The following YAF2 variants were observed in gnomAD, a reference collection of about 807,000 sequenced individuals.
YAF2 encodes the protein YY1 associated factor 2.
In YAF2, 7 loss-of-function variants were observed where a neutral mutation model predicts 20.1. The observed-to-expected ratio is 0.35, with a 90% CI of 0.20 to 0.65. The LOEUF is 0.65. YAF2 is among the 30% of genes least tolerant of loss of function. YAF2 has a pLI of 0.69. For missense variants in YAF2, 151 were observed against 219.2 expected (o/e 0.69, Z 1.96); for synonymous variants, 74 against 76.0 (o/e 0.97, Z 0.14).
intron 2 of YAF2, among the ~76,000 whole-genome samples, chr12:42,226,980 G>A (rs1294561360): frequency 6.0e-5 from 9 of 148,806 alleles, no homozygotes; most frequent in African/African-American, 1.7e-4. Flanking sequence ...GGGGCAGTGC[G>A]GAGCCGGGAC....
At position 42,235,503 on chromosome 12, in the gene YAF2, A is replaced by G. The variant is rs2068120323; in HGVS notation, c.152+2096T>C. 9 of 1,271,632 alleles carry G rather than the reference A, an allele frequency of 7.1e-6. No individual in the cohort carries two copies. The South Asian group carries it at 8.1e-5, about 11-fold the overall frequency. The allele number at this position is 1,271,632 out of a possible 1,614,324, so 78.8% of individuals were successfully genotyped here. ...TCAGAAACCACTAGGAAAATAACAG[A>G]TAACAGAGAAATTAGAGCTCTTAGG... On this transcript the variant is annotated intron_variant, in intron 2 of 3. Transcript: ENST00000534854.
chr12:42,224,525 C>G (rs1345610494), intron 2 of YAF2, among the ~76,000 whole-genome samples: 2 of 152,124 alleles, frequency 1.3e-5, no homozygotes, highest in African/African-American at 4.8e-5. Context: ...TATCCCTCCT[C>G]TAGCCCCCCA....
chr12:42,157,574 T>A lies in YAF2; in HGVS notation c.*3015A>T, dbSNP rs2065729877. Reference sequence around the variant, plus strand: ...GCTACATTCTTTCAGTCTATAAGGATCTTTATCTAAAAGTTAATAAACATG... The same window carrying A: ...GCTACATTCTTTCAGTCTATAAGGAACTTTATCTAAAAGTTAATAAACATG... On this transcript the variant is annotated 3_prime_UTR_variant, in exon 4 of 4. Transcript: ENST00000534854. 6.6e-6 allele frequency: 1 copy of A among 152,214 alleles called. No homozygotes were observed. The highest frequency in any genetic ancestry group is 2.4e-5 in the African/African-American group (1 of 41,458). 9.4% of individuals were successfully genotyped at this position (152,214 alleles called of 1,614,324 possible). A position where few individuals can be genotyped will look rare whatever the true frequency, so the allele number is the denominator to read the frequency against.
At chr12:42,234,359 C>A in intron 2 of YAF2, 1 of 985,310 alleles carries the variant, frequency 1.0e-6, no homozygotes, top group Middle Eastern at 5.2e-4. Flanking sequence ...CACAAAAGCA[C>A]AATGTAAAAA....
rs117929500 is a variant in YAF2 at position 42,194,376 on chromosome 12, G to T, written c.153-32611C>A. 7.9e-3 allele frequency among the ~76,000 whole-genome samples: 1,207 copies of T among 152,286 alleles called. 37 individuals are homozygous for T. In the East Asian group the frequency reaches 0.1, roughly 13 times the overall value. The stretch of plus-strand genomic sequence containing the variant: ...AAATCTAAGCCGGCCAGGCAGGATG[G>T]CTCACGCCTGTAATCCTAACAGTTC... On this transcript the variant is annotated intron_variant, in intron 2 of 3. Transcript: ENST00000534854.
At chr12:42,187,250 G>A (rs1461829593) in intron 2 of YAF2, among the ~76,000 whole-genome samples, 1 of 152,068 alleles carries the variant, frequency 6.6e-6, no homozygotes, top group African/African-American at 2.4e-5. Context: ...TCAAACTCCT[G>A]GGCTCAAGCA....
At chr12:42,210,763 A>T in intron 2 of YAF2, 1 of 1,261,778 alleles carries the variant, frequency 7.9e-7, no homozygotes, top group Middle Eastern at 2.4e-4. Context: ...AATTCACTAG[A>T]TAACTATATA....
At chr12:42,237,547 T>C in intron 2 of YAF2, 52 bp downstream of exon 2, 1 of 1,471,442 alleles carries the variant, frequency 6.8e-7, no homozygotes, top group Non-Finnish European at 9.0e-7. Flanking sequence ...AAGGGCGTCC[T>C]CTGGTCGCCA....
At chr12:42,175,756 A>AAAAAAAAAAAAAAAAAAAT (rs2066171532) in intron 2 of YAF2, among the ~76,000 whole-genome samples, 1 of 148,864 alleles carries the variant, frequency 6.7e-6, no homozygotes, top group South Asian at 2.1e-4. Flanking sequence ...AAAAAAAAAA[A>AAAAAAAAAAAAAAAAAAAT]AAAAAAAAAA....
At chr12:42,218,267 G>T (rs1409232249) in intron 2 of YAF2, among the ~76,000 whole-genome samples, 1 of 150,728 alleles carries the variant, frequency 6.6e-6, no homozygotes, top group African/African-American at 2.4e-5. Context: ...GTATTTCATG[G>T]TATTTCAGAT....
intron 2 of YAF2, among the ~76,000 whole-genome samples, chr12:42,168,636 T>C (rs2065971565): frequency 6.6e-6 from 1 of 152,032 alleles, no homozygotes; most frequent in South Asian, 2.1e-4. Context: ...CCCAAAACTA[T>C]CAAAATCCTT....
At chr12:42,227,607 C>T (rs1339338887) in intron 2 of YAF2, among the ~76,000 whole-genome samples, 1 of 150,262 alleles carries the variant, frequency 6.7e-6, no homozygotes, top group African/African-American at 2.5e-5. Flanking sequence ...GCCTGGCAAC[C>T]ACCCCGTCTG....
intron 2 of YAF2, chr12:42,236,013 T>C (rs1304140533): frequency 4.6e-6 from 7 of 1,535,654 alleles, no homozygotes; most frequent in Non-Finnish European, 6.1e-6. Context: ...AATAAACATA[T>C]AGGCTCTTCT....
chr12:42,171,327 G>C (rs867471508), intron 2 of YAF2, among the ~76,000 whole-genome samples: 1 of 152,032 alleles, frequency 6.6e-6, no homozygotes, highest in Admixed American at 6.6e-5. Context: ...ATATTGTAAA[G>C]TAGGTAATGT....
chr12:42,171,522 A>C (rs139163036), intron 2 of YAF2, among the ~76,000 whole-genome samples: 17 of 152,240 alleles, frequency 1.1e-4, no homozygotes, highest in African/African-American at 3.9e-4. Context: ...AAAAAAAAGA[A>C]AGAAAGAAAG....
At chr12:42,220,234 T>A (rs1445913620) in intron 2 of YAF2, among the ~76,000 whole-genome samples, 1 of 152,224 alleles carries the variant, frequency 6.6e-6, no homozygotes, top group Non-Finnish European at 1.5e-5. Context: ...ACTGGAATGA[T>A]AATATGAAAA....
Position 42,236,955 on chromosome 12 carries a change from A to G in YAF2, c.152+644T>C, listed in dbSNP as rs892327240. On this transcript the variant is annotated intron_variant, in intron 2 of 3. Transcript: ENST00000534854. Reference sequence around the variant, plus strand: ...CAATAAATAAAGTCTGAAAATAGGCAGAGATCTTTTCATCTCATTTGTCTA... The same window carrying G: ...CAATAAATAAAGTCTGAAAATAGGCGGAGATCTTTTCATCTCATTTGTCTA... 6.6e-5 allele frequency among the ~76,000 whole-genome samples: 10 copies of G among 152,220 alleles called. No individual in the cohort carries two copies. The East Asian group carries it at 9.6e-4, about 15-fold the overall frequency.
chr12:42,228,640 C>A, intron 2 of YAF2, among the ~76,000 whole-genome samples: 1 of 105,238 alleles, frequency 9.5e-6, no homozygotes. Context: ...GCCAGCCGCC[C>A]CGTCCGGGAG....
At chr12:42,226,460 G>A (rs184361918) in intron 2 of YAF2, among the ~76,000 whole-genome samples, 59 of 152,204 alleles carry the variant, frequency 3.9e-4, no homozygotes, top group Admixed American at 1.4e-3. Context: ...CCAGGAGTTC[G>A]AGACCAGACT....
Sources: allele counts gnomAD v4.1 joint callset (sites outside exome capture counted in the v4.1 genomes callset), GRCh38; gene constraint gnomAD v4.1.1; transcripts MANE v1.5; gene names NCBI Gene and HGNC (gene_info 2026-07-23, HGNC 2026-07-21).